Variants in BICRA observed in about 807,000 individuals in gnomAD.
BICRA encodes BRD4-interacting chromatin-remodeling complex-associated protein.
Under a neutral mutation model 96.9 loss-of-function variants are expected in BICRA, and 31 were observed. That is an observed-to-expected ratio of 0.32 (90% CI 0.24 to 0.43). The LOEUF (loss-of-function observed/expected upper bound fraction) is 0.43, where lower values mean the gene tolerates loss of function less well. Among genes scored for constraint, BICRA ranks in the 20% least tolerant of loss-of-function variants. The pLI, the probability that BICRA is intolerant of heterozygous loss-of-function variation, is 1.00. For missense variants in BICRA, 2,283 were observed against 2,190.3 expected (o/e 1.04, Z -0.84); for synonymous variants, 1,350 against 1,071.8 (o/e 1.26, Z -5.07).
At position 47,702,621 on chromosome 19, in the gene BICRA, T is replaced by G. The variant is rs1400926173; in HGVS notation, c.*206T>G. On this transcript the variant is annotated 3_prime_UTR_variant, in exon 15 of 15. Coordinates refer to ENST00000594866, the MANE Select transcript of BICRA (RefSeq NM_001394372.1). ...GGGCGTGGATTTAGGGAGGGGGCTG[T>G]GATGTAAAACGTCTCCCCTGCCAAA... 1.9e-5 allele frequency: 11 copies of G among 570,128 alleles called. No individual in the cohort carries two copies. In the East Asian group the frequency reaches 2.1e-4, roughly 11 times the overall value. 35.3% of individuals were successfully genotyped at this position (570,128 alleles called of 1,614,324 possible). A position where few individuals can be genotyped will look rare whatever the true frequency, so the allele number is the denominator to read the frequency against.
Position 47,679,650 on chromosome 19 carries a change from C to G in BICRA, c.480C>G (p.Phe160Leu). ...AAVAAGPQAL[F>L]PGSTDLLGLQ... The stretch of plus-strand genomic sequence containing the variant: ...TGGCTGCGGGGCCCCAAGCCCTCTT[C>G]CCAGGCAGCACCGACCTGCTGGGGC... The change falls in exon 6 of 15, where the codon TTC (phenylalanine) becomes TTG (leucine). Residue 160 changes from phenylalanine to leucine, a missense_variant. Physicochemically the swap from Phe to Leu is conservative, Grantham distance 22 (BLOSUM62 0). Coordinates refer to ENST00000594866, the MANE Select transcript of BICRA (RefSeq NM_001394372.1). The G allele has an allele frequency of 6.6e-7, 1 of 1,513,788 alleles. No homozygotes were observed. The highest frequency in any genetic ancestry group is 8.8e-7 in the Non-Finnish European group (1 of 1,132,760). 93.8% of individuals were successfully genotyped at this position (1,513,788 alleles called of 1,614,324 possible).
At chr19:47,624,194 C>T (rs958221772) in intron 1 of BICRA, among the ~76,000 whole-genome samples, 5 of 152,070 alleles carry the variant, frequency 3.3e-5, no homozygotes, top group South Asian at 2.1e-4. Flanking sequence ...TCTTCAGCTC[C>T]GTACAAAGTC....
At position 47,694,170 on chromosome 19, in the gene BICRA, C is replaced by T. The variant is rs2123605729; in HGVS notation, c.2339C>T (p.Pro780Leu). Residue 780 changes from proline (P) to leucine (L), a missense_variant, in exon 8 of 15, where the codon CCT (proline) becomes CTT (leucine). Pro to Leu is a moderately conservative substitution (Grantham distance 98). Coordinates refer to ENST00000594866, the MANE Select transcript of BICRA (RefSeq NM_001394372.1). ...GGCCCCTCTTCGTCCCCGTCACTAC[C>T]TCACCAGGCCCCTCTGGGGGACAGC... The part of the protein sequence containing the change: ...GPGPSSSPSL[P>L]HQAPLGDSPH... The T allele has an allele frequency of 6.6e-7, 1 of 1,516,270 alleles. No individual in the cohort carries two copies. The highest frequency in any genetic ancestry group is 1.2e-5 in the South Asian group (1 of 82,044). 93.9% of individuals were successfully genotyped at this position (1,516,270 alleles called of 1,614,324 possible).
intron 2 of BICRA, among the ~76,000 whole-genome samples, chr19:47,672,631 T>C (rs1048175171): frequency 4.7e-5 from 7 of 149,986 alleles, no homozygotes; most frequent in East Asian, 2.0e-4. Context: ...TTTTGGAGGG[T>C]TGGAGGAATA....
intron 1 of BICRA, among the ~76,000 whole-genome samples, chr19:47,618,177 T>C (rs1477800253): frequency 6.6e-6 from 1 of 152,160 alleles, no homozygotes; most frequent in Non-Finnish European, 1.5e-5. Flanking sequence ...TGTTACTCTG[T>C]GCAGAAATCG....
chr19:47,680,488 C>T lies in BICRA; in HGVS notation c.1318C>T (p.Pro440Ser). The T allele has an allele frequency of 1.3e-6, 2 of 1,542,556 alleles. No individual in the cohort carries two copies. Among genetic ancestry groups the T allele is most frequent in the Non-Finnish European group, 1.7e-6 (2 of 1,145,472 alleles). The change falls in exon 6 of 15, where the codon CCC (proline) becomes TCC (serine). Residue 440 changes from proline to serine, a missense_variant. By Grantham distance (74) the Pro-to-Ser change is moderately conservative. Coordinates refer to ENST00000594866, the MANE Select transcript of BICRA (RefSeq NM_001394372.1). Reference protein sequence around the residue: ...TTTGAAPPQPPGALSKPMSVH... With the variant: ...TTTGAAPPQPSGALSKPMSVH... ...CACCGGAGCGGCCCCGCCGCAGCCC[C>T]CCGGGGCCCTGAGCAAACCCATGAG...
intron 1 of BICRA, among the ~76,000 whole-genome samples, chr19:47,659,354 G>A (rs1015455816): frequency 2.6e-5 from 4 of 152,188 alleles, no homozygotes; most frequent in Admixed American, 2.6e-4. Flanking sequence ...AGGGGTGGAG[G>A]TGGGTGAAGA....
chr19:47,694,204 G>GCC lies in BICRA; in HGVS notation c.2375_2376dup (p.Ser793ProfsTer50). 3 of 1,119,696 alleles carry GCC rather than the reference G, an allele frequency of 2.7e-6. No individual in the cohort carries two copies. The highest frequency in any genetic ancestry group is 3.4e-6 in the Non-Finnish European group (3 of 884,582). 69.4% of individuals were successfully genotyped at this position (1,119,696 alleles called of 1,614,324 possible). On this transcript the variant is annotated frameshift_variant, in exon 8 of 15. Coordinates refer to ENST00000594866, the MANE Select transcript of BICRA (RefSeq NM_001394372.1). LOFTEE classifies it high-confidence loss of function. ...CCCCTCTGGGGGACAGCCCCCACCTGCCCTCCCCACACCCCACCCGGCCCC... is the reference window on the plus strand; with the variant it reads ...CCCCTCTGGGGGACAGCCCCCACCTGCCCCCTCCCCACACCCCACCCGGCCCC...
intron 7 of BICRA, among the ~76,000 whole-genome samples, chr19:47,683,680 G>A (rs533890697): frequency 6.6e-6 from 1 of 151,972 alleles, no homozygotes; most frequent in South Asian, 2.1e-4. Context: ...CGCCTCTCGG[G>A]TTCACGCCAT....
At chr19:47,683,277 C>T (rs995228410) in intron 7 of BICRA, among the ~76,000 whole-genome samples, 4 of 151,834 alleles carry the variant, frequency 2.6e-5, no homozygotes, top group Non-Finnish European at 5.9e-5. Flanking sequence ...TTTTCCCCCG[C>T]CCCCCGCAAC....
At chr19:47,656,853 A>T (rs1972626068) in intron 1 of BICRA, among the ~76,000 whole-genome samples, 1 of 151,616 alleles carries the variant, frequency 6.6e-6, no homozygotes, top group South Asian at 2.1e-4. Context: ...AGTTCTGGAT[A>T]TTGTAGATTT....
Position 47,681,121 on chromosome 19 carries a change from C to T in BICRA, c.1951C>T (p.Pro651Ser). 2 of 1,488,240 alleles carry T rather than the reference C, an allele frequency of 1.3e-6. No individual in the cohort carries two copies. The highest frequency in any genetic ancestry group is 1.8e-6 in the Non-Finnish European group (2 of 1,111,826). The allele number at this position is 1,488,240 out of a possible 1,614,324, so 92.2% of individuals were successfully genotyped here. Residue 651 changes from proline to serine, a missense_variant, in exon 6 of 15, where the codon CCC becomes TCC. By Grantham distance (74) the Pro-to-Ser change is moderately conservative. Coordinates refer to ENST00000594866, the MANE Select transcript of BICRA (RefSeq NM_001394372.1). ...QPQAQQPPQA[P>S]TPQAAAPPQA... ...GCAGGCGCAGCAGCCCCCGCAGGCC[C>T]CCACCCCACAGGCCGCCGCCCCGCC...
At chr19:47,613,326 G>T (rs1971937295) in intron 1 of BICRA, among the ~76,000 whole-genome samples, 1 of 152,166 alleles carries the variant, frequency 6.6e-6, no homozygotes, top group South Asian at 2.1e-4. Context: ...TTGACTCCAG[G>T]TCTCAAGAAT....
At position 47,694,919 on chromosome 19, in the gene BICRA, T is replaced by C; in HGVS notation, c.2915T>C (p.Leu972Pro). ...RFHQVPSGII[L>P]QNKAGGAPAA... The stretch of plus-strand genomic sequence containing the variant: ...CCTCAGGTGCCGTCCGGAATCATCC[T>C]CCAGAACAAGGCTGGGGGGGCCCCT... The change falls in exon 9 of 15, where the codon CTC becomes CCC. Residue 972 changes from leucine to proline, a missense_variant. Transcript: ENST00000594866. 6.6e-7 allele frequency: 1 copy of C among 1,522,324 alleles called. No individual in the cohort carries two copies. Among genetic ancestry groups the C allele is most frequent in the Non-Finnish European group, 8.7e-7 (1 of 1,143,206 alleles). 94.3% of individuals were successfully genotyped at this position (1,522,324 alleles called of 1,614,324 possible). A position where few individuals can be genotyped will look rare whatever the true frequency, so the allele number is the denominator to read the frequency against.
chr19:47,679,375 G>A lies in BICRA; in HGVS notation c.205G>A (p.Ala69Thr). The change falls in exon 6 of 15, where the codon GCC (alanine) becomes ACC (threonine). Residue 69 changes from alanine to threonine, a missense_variant. Physicochemically the swap from Ala to Thr is moderately conservative, Grantham distance 58. Coordinates refer to ENST00000594866, the MANE Select transcript of BICRA (RefSeq NM_001394372.1). ...CCTGAACCCAGAGCCCAACCAGCCG[G>A]CCCCCAGTGTGGACCTAGACTTCCT... ...NHLNPEPNQP[A>T]PSVDLDFLED... is the part of the protein sequence containing the mutation. 1 of 1,431,706 alleles carries A rather than the reference G, an allele frequency of 7.0e-7. No individual in the cohort carries two copies. Among genetic ancestry groups the A allele is most frequent in the Non-Finnish European group, 9.2e-7 (1 of 1,090,638 alleles). The allele number at this position is 1,431,706 out of a possible 1,614,324, so 88.7% of individuals were successfully genotyped here.
At position 47,699,523 on chromosome 19, in the gene BICRA, C is replaced by A; in HGVS notation, c.3595+118C>A. 1.5e-6 allele frequency: 1 copy of A among 653,968 alleles called. No individual in the cohort carries two copies. 40.5% of individuals were successfully genotyped at this position (653,968 alleles called of 1,614,324 possible). Reference sequence around the variant, plus strand: ...GGCCCTACCTCACTCCACCACTAGGCGGTGCCCCAGCTCCACCTTCCTGCT... The same window carrying A: ...GGCCCTACCTCACTCCACCACTAGGAGGTGCCCCAGCTCCACCTTCCTGCT... On this transcript the variant is annotated intron_variant, in intron 14 of 14. Coordinates refer to ENST00000594866, the MANE Select transcript of BICRA (RefSeq NM_001394372.1). This position sits in a 1 kb window ranked among gnomAD's most constrained non-coding sequence, Gnocchi z 5.0.
intron 1 of BICRA, among the ~76,000 whole-genome samples, chr19:47,664,076 G>C (rs1972741299): frequency 6.6e-6 from 1 of 152,122 alleles, no homozygotes; most frequent in African/African-American, 2.4e-5. Context: ...AGGAGAGGTG[G>C]GGAAATGGTG....
chr19:47,670,389 T>G (rs1487971641), intron 1 of BICRA, 54 bp from the exon 2 acceptor site: 1 of 152,280 alleles, frequency 6.6e-6, no homozygotes, highest in Non-Finnish European at 1.5e-5. Flanking sequence ...GACCACGTCT[T>G]TTTCCTTTTC....
intron 1 of BICRA, among the ~76,000 whole-genome samples, chr19:47,612,217 C>T (rs142868698): frequency 2.0e-4 from 31 of 152,086 alleles, no homozygotes; most frequent in African/African-American, 7.2e-4. Context: ...GATTTTAAGA[C>T]CAGCCTAGGC....
Sources: allele counts gnomAD v4.1 joint callset (sites outside exome capture counted in the v4.1 genomes callset), GRCh38; gene constraint gnomAD v4.1.1; non-coding constraint Gnocchi (gnomAD v3.1); transcripts MANE v1.5; gene names NCBI Gene and HGNC (gene_info 2026-07-23, HGNC 2026-07-21).